Variants in LIPH observed in about 807,000 individuals in gnomAD.
The protein encoded by LIPH is lipase H.
LIPH carries 32 observed loss-of-function variants against 47.6 expected under a neutral mutation model. The observed-to-expected ratio is 0.67, with a 90% CI of 0.51 to 0.90. The LOEUF (loss-of-function observed/expected upper bound fraction) is 0.90, where lower values mean the gene tolerates loss of function less well. Among genes scored for constraint, LIPH ranks in the 40% least tolerant of loss-of-function variants. The pLI, the probability that LIPH is intolerant of heterozygous loss-of-function variation, is 0.00. For missense variants in LIPH, 497 were observed against 541.4 expected, an observed-to-expected ratio of 0.92 and a Z score of 0.81; for synonymous variants, 190 against 195.6, an observed-to-expected ratio of 0.97 and a Z score of 0.24.
chr3:185,527,573 G>T lies in LIPH; in HGVS notation c.539C>A (p.Ala180Glu). 4 of 1,610,174 alleles carry T rather than the reference G, an allele frequency of 2.5e-6. No homozygotes were observed. The highest frequency in any genetic ancestry group is 3.4e-6 in the Non-Finnish European group (4 of 1,177,674). ...WLGRITGLDP[A>E]GPLFNGKPHQ... ...AGGTTTCCCGTTGAATAAAGGGCCT[G>T]CAGGGTCGAGGCCTGGAAGGAAAAC... Residue 180 changes from alanine to glutamate, a missense_variant, in exon 4 of 10, where the codon GCA (alanine) becomes GAA (glutamate). Physicochemically the swap from Ala to Glu is moderately radical, Grantham distance 107. Coordinates refer to ENST00000296252, the MANE Select transcript of LIPH (RefSeq NM_139248.3).
At chr3:185,526,148 G>A (rs974362310) in intron 4 of LIPH, among the ~76,000 whole-genome samples, 1 of 152,162 alleles carries the variant, frequency 6.6e-6, no homozygotes, top group Non-Finnish European at 1.5e-5. Flanking sequence ...GGAGGCTGAA[G>A]TGGGAGGATC....
chr3:185,522,744 C>G (rs552301843), intron 5 of LIPH, among the ~76,000 whole-genome samples: 2 of 151,978 alleles, frequency 1.3e-5, no homozygotes, highest in African/African-American at 4.8e-5. Flanking sequence ...TTTATGTTGC[C>G]CTCTAACTCC....
At chr3:185,513,813 G>A (rs1368824090) in intron 8 of LIPH, among the ~76,000 whole-genome samples, 1 of 152,138 alleles carries the variant, frequency 6.6e-6, no homozygotes, top group Non-Finnish European at 1.5e-5. Context: ...AGCCGAGGCG[G>A]GCAGATCATG....
chr3:185,512,093 C>T (rs1719584747), intron 8 of LIPH, among the ~76,000 whole-genome samples: 1 of 152,122 alleles, frequency 6.6e-6, no homozygotes, highest in Non-Finnish European at 1.5e-5. Context: ...GAAATAGATG[C>T]TTACAGAGAT....
intron 4 of LIPH, among the ~76,000 whole-genome samples, chr3:185,525,181 C>T (rs1720030272): frequency 6.6e-6 from 1 of 152,032 alleles, no homozygotes; most frequent in African/African-American, 2.4e-5. Context: ...GACTGCATTC[C>T]AGCCTGGGTG....
At chr3:185,538,967 A>AT (rs975784798) in intron 1 of LIPH, among the ~76,000 whole-genome samples, 16 of 147,560 alleles carry the variant, frequency 1.1e-4, no homozygotes, top group Admixed American at 4.1e-4. Flanking sequence ...ACATATATAT[A>AT]TTTTTTTTTA....
At position 185,508,693 on chromosome 3, in the gene LIPH, A is replaced by G. The variant is rs1162468546; in HGVS notation, c.*97T>C. 2.3e-6 allele frequency: 2 copies of G among 888,228 alleles called. No homozygotes were observed. Among genetic ancestry groups the G allele is most frequent in the East Asian group, 2.4e-5 (1 of 41,180 alleles). The allele number at this position is 888,228 out of a possible 1,614,324, so 55.0% of individuals were successfully genotyped here. ...TGAAAAAAGCCTTGGTTTTTTTCAT[A>G]CTTTTTCTGCCTTGCAGAAAGGTGA... On this transcript the variant is annotated 3_prime_UTR_variant, in exon 10 of 10. Transcript: ENST00000296252.
At chr3:185,516,985 C>G (rs2148948934) in intron 7 of LIPH, 82 bp downstream of exon 7, 1 of 934,204 alleles carries the variant, frequency 1.1e-6, no homozygotes, top group East Asian at 2.4e-5. Flanking sequence ...TCTTATTTGC[C>G]AAGAAGTAGC....
chr3:185,550,307 A>G (rs1002511295), intron 1 of LIPH, among the ~76,000 whole-genome samples: 1 of 152,202 alleles, frequency 6.6e-6, no homozygotes, highest in African/African-American at 2.4e-5. Flanking sequence ...TTCTACCTAC[A>G]GAAGTTTATT....
intron 8 of LIPH, among the ~76,000 whole-genome samples, chr3:185,513,789 C>A (rs1719641180): frequency 6.6e-6 from 1 of 152,056 alleles, no homozygotes. Context: ...ACCTGTAATC[C>A]CAGCACTTTG....
rs1719376619 is a variant in LIPH, at chr3:185,506,265, AG to A, written c.*2524del. On this transcript the variant is annotated 3_prime_UTR_variant, in exon 10 of 10. Transcript: ENST00000296252. ...AAGATTCTGAGAACAGAGTGGCCACAGTTATAACTGCCTTTATTTCTCCTGA... is the reference window on the plus strand; with the variant it reads ...AAGATTCTGAGAACAGAGTGGCCACATTATAACTGCCTTTATTTCTCCTGA... The A allele has an allele frequency of 6.6e-6, 1 of 152,224 alleles. No homozygotes were observed. Among genetic ancestry groups the A allele is most frequent in the South Asian group, 2.1e-4 (1 of 4,832 alleles). 9.4% of individuals were successfully genotyped at this position (152,224 alleles called of 1,614,324 possible). A position where few individuals can be genotyped will look rare whatever the true frequency, so the allele number is the denominator to read the frequency against.
At chr3:185,551,993 T>C (rs1442239444) in intron 1 of LIPH, among the ~76,000 whole-genome samples, 1 of 152,006 alleles carries the variant, frequency 6.6e-6, no homozygotes, top group Admixed American at 6.6e-5. Flanking sequence ...TCTCAATGCA[T>C]GAAAATATAA....
intron 1 of LIPH, among the ~76,000 whole-genome samples, chr3:185,549,341 C>A (rs1049035158): frequency 1.3e-5 from 2 of 152,078 alleles, no homozygotes; most frequent in African/African-American, 4.8e-5. Flanking sequence ...CACATTCACA[C>A]CCCCTCATTC....
At chr3:185,510,652 G>A (rs771067808) in intron 9 of LIPH, among the ~76,000 whole-genome samples, 9 of 152,142 alleles carry the variant, frequency 5.9e-5, no homozygotes, top group African/African-American at 1.4e-4. Context: ...AGACAAAGGC[G>A]GGCGGATACT....
At chr3:185,547,193 C>CT (rs1313424266) in intron 1 of LIPH, among the ~76,000 whole-genome samples, 5 of 152,018 alleles carry the variant, frequency 3.3e-5, no homozygotes, top group Non-Finnish European at 2.9e-5. Flanking sequence ...ATGAAGGTGC[C>CT]TTGGACCCTT....
intron 1 of LIPH, among the ~76,000 whole-genome samples, chr3:185,539,289 C>T (rs192953153): frequency 2.6e-5 from 4 of 151,822 alleles, no homozygotes; most frequent in African/African-American, 9.7e-5. Flanking sequence ...TTTATCATAA[C>T]TGGGCTCTCT....
chr3:185,522,783 T>C (rs903094339), intron 5 of LIPH, among the ~76,000 whole-genome samples: 2 of 152,292 alleles, frequency 1.3e-5, no homozygotes, highest in South Asian at 4.1e-4. Context: ...TTTTTCTCAT[T>C]GTAAAAGTAA....
At chr3:185,545,357 A>G (rs1720838344) in intron 1 of LIPH, among the ~76,000 whole-genome samples, 1 of 152,224 alleles carries the variant, frequency 6.6e-6, no homozygotes, top group African/African-American at 2.4e-5. Context: ...GTAGGATACC[A>G]GGGCAATCTC....
At chr3:185,535,729 A>G (rs1385910350) in intron 1 of LIPH, among the ~76,000 whole-genome samples, 1 of 151,810 alleles carries the variant, frequency 6.6e-6, no homozygotes, top group Non-Finnish European at 1.5e-5. Flanking sequence ...CAGCCTCCCA[A>G]GTAACTGGGA....
Sources: allele counts gnomAD v4.1 joint callset (sites outside exome capture counted in the v4.1 genomes callset), GRCh38; gene constraint gnomAD v4.1.1; transcripts MANE v1.5; gene names NCBI Gene and HGNC (gene_info 2026-07-23, HGNC 2026-07-21).